Variants in FSHR observed in about 807,000 individuals in gnomAD.
FSHR encodes follicle-stimulating hormone receptor.
FSHR carries 46 observed loss-of-function variants against 52.1 expected under a neutral mutation model. The ratio of observed to expected loss-of-function variants is 0.88; its 90% CI spans 0.70 to 1.13. FSHR has a LOEUF of 1.13. Ranked by LOEUF, FSHR falls within the 50% of genes most tolerant of loss-of-function variation. FSHR has a pLI of 0.00. For synonymous variants in FSHR, 399 were observed against 309.6 expected (o/e 1.29, Z -3.03); for missense variants, 964 against 834.6 (o/e 1.16, Z -1.91).
At chr2:49,021,859 CTCTCTA>C (rs1190800741) in intron 2 of FSHR, among the ~76,000 whole-genome samples, 3 of 38,384 alleles carry the variant, frequency 7.8e-5, no homozygotes, top group African/African-American at 1.1e-4. Context: ...CTCTCTCTCT[CTCTCTA>C]TATATATATA....
At chr2:49,142,737 G>C (rs1473127196) in intron 1 of FSHR, among the ~76,000 whole-genome samples, 1 of 152,182 alleles carries the variant, frequency 6.6e-6, no homozygotes, top group African/African-American at 2.4e-5. Flanking sequence ...AGTAGCCCAG[G>C]TGAGGGATGA....
intron 6 of FSHR, among the ~76,000 whole-genome samples, chr2:48,985,988 C>T (rs1285124215): frequency 2.0e-5 from 3 of 152,312 alleles, no homozygotes; most frequent in Non-Finnish European, 2.9e-5. Flanking sequence ...GCTGGGATTA[C>T]AGGCGTGAGC....
chr2:48,982,614 C>G (rs1203410850), intron 8 of FSHR, among the ~76,000 whole-genome samples: 2 of 152,158 alleles, frequency 1.3e-5, no homozygotes, highest in Non-Finnish European at 2.9e-5. Flanking sequence ...GGAATAATAG[C>G]TCCTACCACA....
intron 1 of FSHR, among the ~76,000 whole-genome samples, chr2:49,153,795 G>A (rs1444617537): frequency 6.6e-6 from 1 of 151,880 alleles, no homozygotes; most frequent in Non-Finnish European, 1.5e-5. Context: ...CTCAGTTCAG[G>A]AATTATTTGC....
At chr2:49,074,087 T>C (rs1669857827) in intron 1 of FSHR, among the ~76,000 whole-genome samples, 1 of 151,882 alleles carries the variant, frequency 6.6e-6, no homozygotes, top group Non-Finnish European at 1.5e-5. Context: ...ATAAAACTAC[T>C]AGAAGAAAAT....
chr2:49,109,032 G>A (rs1185600768), intron 1 of FSHR, among the ~76,000 whole-genome samples: 2 of 152,136 alleles, frequency 1.3e-5, no homozygotes, highest in African/African-American at 4.8e-5. Context: ...TGTCTTCACC[G>A]GGGAGAGCAG....
intron 6 of FSHR, among the ~76,000 whole-genome samples, chr2:48,984,367 G>T (rs1675393002): frequency 6.6e-6 from 1 of 152,204 alleles, no homozygotes; most frequent in Non-Finnish European, 1.5e-5. Flanking sequence ...ACTGTTGCAG[G>T]ATAGTGGGAG....
At chr2:49,076,885 A>G (rs930795286) in intron 1 of FSHR, among the ~76,000 whole-genome samples, 2 of 152,168 alleles carry the variant, frequency 1.3e-5, no homozygotes, top group African/African-American at 4.8e-5. Context: ...TTTTGACTCC[A>G]TTTCTCACAT....
intron 1 of FSHR, among the ~76,000 whole-genome samples, chr2:49,153,826 A>G (rs1178638264): frequency 6.6e-6 from 1 of 152,050 alleles, no homozygotes; most frequent in Non-Finnish European, 1.5e-5. Context: ...AAAACGACAA[A>G]GACTATGGCC....
At chr2:49,025,994 T>C (rs1667899802) in intron 2 of FSHR, among the ~76,000 whole-genome samples, 1 of 152,222 alleles carries the variant, frequency 6.6e-6, no homozygotes, top group Non-Finnish European at 1.5e-5. Context: ...GTGAGGATGT[T>C]GCCACAAGGC....
intron 1 of FSHR, among the ~76,000 whole-genome samples, chr2:49,117,462 A>G (rs139599504): frequency 7.8e-4 from 119 of 152,302 alleles, no homozygotes; most frequent in Non-Finnish European, 1.1e-3. Context: ...GTGGATAGTC[A>G]TTTTATCTTT....
intron 1 of FSHR, among the ~76,000 whole-genome samples, chr2:49,120,301 T>C (rs903846312): frequency 5.9e-5 from 9 of 152,100 alleles, no homozygotes; most frequent in Non-Finnish European, 1.0e-4. Flanking sequence ...AAGGAAACTG[T>C]TGCAACCTTA....
intron 2 of FSHR, among the ~76,000 whole-genome samples, chr2:49,024,699 C>T (rs952579447): frequency 1.3e-5 from 2 of 152,160 alleles, no homozygotes; most frequent in Non-Finnish European, 2.9e-5. Flanking sequence ...TCCTCCCCTG[C>T]CTTTCTCTTC....
At chr2:49,072,062 A>T (rs1669757827) in intron 1 of FSHR, among the ~76,000 whole-genome samples, 1 of 152,190 alleles carries the variant, frequency 6.6e-6, no homozygotes, top group African/African-American at 2.4e-5. Flanking sequence ...CACTAAAAAC[A>T]TATTGACCAA....
chr2:49,052,215 C>T (rs1161418934), intron 2 of FSHR, among the ~76,000 whole-genome samples: 3 of 152,030 alleles, frequency 2.0e-5, no homozygotes, highest in African/African-American at 7.3e-5. Flanking sequence ...CCATTTAATC[C>T]CAATCACACT....
chr2:48,989,366 T>G (rs1002746398), intron 5 of FSHR, among the ~76,000 whole-genome samples: 1 of 145,216 alleles, frequency 6.9e-6, no homozygotes, highest in African/African-American at 2.6e-5. Context: ...CACTGTAGCC[T>G]CAACCTCCCA....
intron 8 of FSHR, among the ~76,000 whole-genome samples, chr2:48,978,427 T>C (rs1000145501): frequency 6.6e-6 from 1 of 152,352 alleles, no homozygotes; most frequent in South Asian, 2.1e-4. Context: ...ACACTGGTAA[T>C]GGAAGAGAAC....
intron 2 of FSHR, among the ~76,000 whole-genome samples, chr2:49,034,298 T>C (rs1668203112): frequency 6.6e-6 from 1 of 152,152 alleles, no homozygotes; most frequent in Non-Finnish European, 1.5e-5. Flanking sequence ...GGCCTTGGAT[T>C]TTCAGAGTAT....
At position 49,076,271 on chromosome 2, in the gene FSHR, C is replaced by T. The variant is rs141138621; in HGVS notation, c.153-7981G>A. Among the ~76,000 whole-genome samples the T allele has an allele frequency of 3.8e-3, 578 of 152,294 alleles. 12 individuals are homozygous for T. The East Asian group carries it at 0.048, about 13-fold the overall frequency. On this transcript the variant is annotated intron_variant, in intron 1 of 9. Transcript: ENST00000406846. ...GAGGTTTAATGGACTTACAGTTCCA[C>T]GTGGCTGGGGAGGCCTCACAATCAT...
Sources: gnomAD v4.1 joint callset for allele counts (sites outside exome capture counted in the v4.1 genomes callset) on GRCh38, gnomAD v4.1.1 for gene constraint, MANE v1.5 for transcripts, NCBI Gene and HGNC (gene_info 2026-07-23, HGNC 2026-07-21) for gene names.